The following ANKS1B variants were observed in gnomAD, a reference collection of about 807,000 sequenced individuals.
The protein encoded by ANKS1B is ankyrin repeat and sterile alpha motif domain-containing protein 1B.
In ANKS1B, 36 loss-of-function variants were observed where a neutral mutation model predicts 148.3. That is an observed-to-expected ratio of 0.24 (90% confidence interval 0.19 to 0.32). The LOEUF (loss-of-function observed/expected upper bound fraction) is 0.32. ANKS1B is among the 10% of genes least tolerant of loss of function. The pLI, the probability that ANKS1B is intolerant of heterozygous loss-of-function variation, is 1.00. For missense variants in ANKS1B, 1,157 were observed against 1,542.6 expected (o/e 0.75, Z 4.19); for synonymous variants, 542 against 560.8 (o/e 0.97, Z 0.47).
chr12:99,410,172 A>G (rs1364848434), intron 11 of ANKS1B, among the ~76,000 whole-genome samples: 6 of 152,242 alleles, frequency 3.9e-5, no homozygotes, highest in African/African-American at 1.4e-4. Flanking sequence ...TGAAAATTGT[A>G]TGAAACTCAA....
At chr12:99,004,666 G>A (rs1395198351) in intron 17 of ANKS1B, among the ~76,000 whole-genome samples, 1 of 151,938 alleles carries the variant, frequency 6.6e-6, no homozygotes, top group Non-Finnish European at 1.5e-5. Flanking sequence ...GTGGGTGCTG[G>A]GTGGGGGGGA....
At chr12:99,462,614 T>C (rs2096001152) in intron 10 of ANKS1B, among the ~76,000 whole-genome samples, 2 of 152,250 alleles carry the variant, frequency 1.3e-5, no homozygotes, top group East Asian at 1.9e-4. Context: ...TACTAATGAC[T>C]GAGACAGAAA....
intron 13 of ANKS1B, 37 bp downstream of exon 13, chr12:99,246,238 G>A: frequency 6.8e-7 from 1 of 1,471,732 alleles, no homozygotes; most frequent in Non-Finnish European, 9.0e-7. Context: ...CAACTGCAAA[G>A]CCTTATAGGA....
chr12:99,382,131 T>G (rs1015684040), intron 12 of ANKS1B, among the ~76,000 whole-genome samples: 5 of 152,152 alleles, frequency 3.3e-5, no homozygotes, highest in Admixed American at 2.6e-4. Context: ...GAGAAACTTA[T>G]CTTATTGTTC....
intron 4 of ANKS1B, among the ~76,000 whole-genome samples, chr12:99,787,216 C>T (rs1055488372): frequency 3.3e-5 from 5 of 151,984 alleles, no homozygotes; most frequent in Non-Finnish European, 5.9e-5. Flanking sequence ...TGGGAGAGAC[C>T]GGCTGGGAGG....
intron 1 of ANKS1B, among the ~76,000 whole-genome samples, chr12:99,920,870 A>G (rs576226765): frequency 6.6e-6 from 1 of 152,276 alleles, no homozygotes; most frequent in African/African-American, 2.4e-5. Flanking sequence ...GGTGAGGACA[A>G]TCTTCTTTAC....
intron 12 of ANKS1B, among the ~76,000 whole-genome samples, chr12:99,360,132 C>A (rs1179155655): frequency 1.3e-5 from 2 of 152,154 alleles, no homozygotes; most frequent in Admixed American, 1.3e-4. Flanking sequence ...CTAATCCCGA[C>A]TAAATAATTA....
chr12:99,306,090 T>C (rs1344550895), intron 12 of ANKS1B, among the ~76,000 whole-genome samples: 1 of 152,094 alleles, frequency 6.6e-6, no homozygotes, highest in African/African-American at 2.4e-5. Flanking sequence ...TGGGAGGATA[T>C]GGTGGGGGCA....
chr12:99,750,970 T>C (rs539109943), intron 8 of ANKS1B, among the ~76,000 whole-genome samples: 2 of 152,214 alleles, frequency 1.3e-5, no homozygotes, highest in African/African-American at 4.8e-5. Context: ...ATCACTAATA[T>C]GTGATCATTG....
In ANKS1B at chr12:98,769,165, C is replaced by CTTTTTTTTTTTTTTTTT. The variant is rs1182264550; in HGVS notation, c.3579+3860_3579+3876dup. On this transcript the variant is annotated intron_variant, in intron 25 of 26. Transcript: ENST00000683438. Reference sequence around the variant, plus strand: ...TTGAGGTATTATAGGGTCTTCTTTACTTTTTTTTTTTTTTTTTTTTTTTTT... The same window carrying CTTTTTTTTTTTTTTTTT: ...TTGAGGTATTATAGGGTCTTCTTTACTTTTTTTTTTTTTTTTTTTTTTTTTTTTTTTTTTTTTTTTTT... Among the ~76,000 whole-genome samples the CTTTTTTTTTTTTTTTTT allele has an allele frequency of 2.4e-3, 99 of 41,230 alleles. 34 individuals carry two copies. The highest frequency in any genetic ancestry group is 0.01 in the East Asian group (8 of 782). The allele number at this position is 41,230 out of a possible 152,430, so 27.0% of individuals were successfully genotyped here.
At chr12:99,388,288 A>G (rs1370827492) in intron 12 of ANKS1B, among the ~76,000 whole-genome samples, 2 of 152,238 alleles carry the variant, frequency 1.3e-5, no homozygotes, top group African/African-American at 4.8e-5. Flanking sequence ...AGATTTCATT[A>G]TCAGAGCTTT....
At chr12:99,468,536 C>G (rs1441901296) in intron 10 of ANKS1B, among the ~76,000 whole-genome samples, 2 of 152,148 alleles carry the variant, frequency 1.3e-5, no homozygotes, top group Non-Finnish European at 2.9e-5. Context: ...TCGCAACCTA[C>G]TCGTCTGACA....
chr12:99,120,461 TA>T lies in ANKS1B; in HGVS notation c.2526+33827del, dbSNP rs372651491. On this transcript the variant is annotated intron_variant, in intron 15 of 26. Coordinates refer to ENST00000683438, the MANE Select transcript of ANKS1B (RefSeq NM_001352186.2). ...ACCAATAATTAAAAACATCTGTGAA[TA>T]TAATCAATACATAAGTAATGAATTT... Among the ~76,000 whole-genome samples, 504 of 152,370 alleles carry T rather than the reference TA, an allele frequency of 3.3e-3. 6 individuals carry two copies. The highest frequency in any genetic ancestry group is 0.011 in the African/African-American group (473 of 41,592).
At chr12:99,200,199 G>A (rs2081909238) in intron 14 of ANKS1B, among the ~76,000 whole-genome samples, 1 of 152,232 alleles carries the variant, frequency 6.6e-6, no homozygotes, top group Non-Finnish European at 1.5e-5. Flanking sequence ...GTTTAGTTCA[G>A]TCTCTTCAGA....
At chr12:99,093,190 C>T (rs1297350679) in intron 15 of ANKS1B, among the ~76,000 whole-genome samples, 1 of 152,226 alleles carries the variant, frequency 6.6e-6, no homozygotes, top group East Asian at 1.9e-4. Flanking sequence ...GCCAGAGTTT[C>T]TCCAACACAT....
chr12:98,752,974 C>T (rs1180371932), intron 25 of ANKS1B, among the ~76,000 whole-genome samples: 1 of 152,066 alleles, frequency 6.6e-6, no homozygotes, highest in African/African-American at 2.4e-5. Flanking sequence ...TGGCGGCTCA[C>T]AGTCGCAGCA....
intron 14 of ANKS1B, among the ~76,000 whole-genome samples, chr12:99,200,180 T>G (rs1037583334): frequency 3.9e-5 from 6 of 152,334 alleles, no homozygotes; most frequent in South Asian, 2.1e-4. Flanking sequence ...GAAAAATACT[T>G]GCATTCTAGT....
At chr12:99,494,197 A>G (rs2096581091) in intron 10 of ANKS1B, among the ~76,000 whole-genome samples, 1 of 152,188 alleles carries the variant, frequency 6.6e-6, no homozygotes, top group African/African-American at 2.4e-5. Context: ...TTGTGACATC[A>G]AGGTCATTAG....
rs559095773 is a variant in ANKS1B at position 99,328,394 on chromosome 12, A to G, written c.1756+71237T>C. 1.5e-4 allele frequency among the ~76,000 whole-genome samples: 23 copies of G among 152,056 alleles called. 1 individual carries two copies. The highest frequency in any genetic ancestry group is 6.8e-3 in the Middle Eastern group (2 of 294). On this transcript the variant is annotated intron_variant, in intron 12 of 26. Coordinates refer to ENST00000683438, the MANE Select transcript of ANKS1B (RefSeq NM_001352186.2). ...GTGCATGCATGTGAGGAAATAACCC[A>G]ACACTGGGGGAAAAAACACCTAAAA...
Sources: gnomAD v4.1 joint callset for allele counts (sites outside exome capture counted in the v4.1 genomes callset) on GRCh38, gnomAD v4.1.1 for gene constraint, MANE v1.5 for transcripts, NCBI Gene and HGNC (gene_info 2026-07-23, HGNC 2026-07-21) for gene names.